Variants in NRG1 observed in about 807,000 individuals in gnomAD.
NRG1 encodes pro-neuregulin-1, membrane-bound isoform.
Under a neutral mutation model 63.8 loss-of-function variants are expected in NRG1, and 18 were observed. The ratio of observed to expected loss-of-function variants is 0.28; its 90% CI spans 0.19 to 0.42. The LOEUF is 0.42. Among genes scored for constraint, NRG1 ranks in the 10% least tolerant of loss-of-function variants. The pLI, the probability that NRG1 is intolerant of heterozygous loss-of-function variation, is 1.00. For synonymous variants in NRG1, 302 were observed against 301.3 expected, an observed-to-expected ratio of 1.00 and a Z score of -0.02; for missense variants, 762 against 814.7, an observed-to-expected ratio of 0.94 and a Z score of 0.79.
At chr8:31,933,046 A>G (rs888315210) in intron 1 of NRG1, among the ~76,000 whole-genome samples, 1 of 152,202 alleles carries the variant, frequency 6.6e-6, no homozygotes, top group Admixed American at 6.5e-5. Context: ...ATTTCCTATA[A>G]AATGTTATAT....
At chr8:32,512,748 T>A (rs1248159171) in intron 1 of NRG1, among the ~76,000 whole-genome samples, 1 of 152,184 alleles carries the variant, frequency 6.6e-6, no homozygotes, top group Non-Finnish European at 1.5e-5. Flanking sequence ...GCCTTCCTGG[T>A]ACAATGGATG....
intron 1 of NRG1, among the ~76,000 whole-genome samples, chr8:32,468,728 T>TTG (rs1554551098): frequency 1.3e-5 from 2 of 151,786 alleles, no homozygotes; most frequent in African/African-American, 4.8e-5. Flanking sequence ...TACAGTTTTT[T>TTG]TTTTTTTTTT....
chr8:32,042,961 A>AGTGTGTGTGT (rs111850977), intron 1 of NRG1, among the ~76,000 whole-genome samples: 1,795 of 139,988 alleles, frequency 0.013, 37 homozygotes, highest in East Asian at 0.053. Context: ...GAAAGAGTGC[A>AGTGTGTGTGT]GTGTGTGTGT....
chr8:31,766,728 A>G (rs1427379622), intron 1 of NRG1, among the ~76,000 whole-genome samples: 1 of 152,196 alleles, frequency 6.6e-6, no homozygotes, highest in African/African-American at 2.4e-5. Context: ...TTTCTGCCAC[A>G]AGCAATACTC....
At chr8:32,159,528 G>A (rs1191187361) in intron 1 of NRG1, among the ~76,000 whole-genome samples, 1 of 138,890 alleles carries the variant, frequency 7.2e-6, no homozygotes, top group African/African-American at 2.9e-5. Context: ...GCGACAGAGC[G>A]AGACTCCGTC....
chr8:32,291,123 C>G (rs1042216154), intron 1 of NRG1, among the ~76,000 whole-genome samples: 1 of 152,200 alleles, frequency 6.6e-6, no homozygotes, highest in Non-Finnish European at 1.5e-5. Flanking sequence ...GAAGTTCTTT[C>G]TTATTCAGGG....
chr8:32,439,009 T>C (rs1347713270), intron 1 of NRG1, among the ~76,000 whole-genome samples: 1 of 152,138 alleles, frequency 6.6e-6, no homozygotes. Flanking sequence ...ACTGTTTTTT[T>C]CCACAAGGCA....
At chr8:32,227,084 T>G (rs1257745405) in intron 1 of NRG1, among the ~76,000 whole-genome samples, 1 of 152,206 alleles carries the variant, frequency 6.6e-6, no homozygotes, top group African/African-American at 2.4e-5. Context: ...TCCTTTCTCC[T>G]TTTACTCTGG....
chr8:32,530,597 C>A (rs911809246), intron 1 of NRG1, among the ~76,000 whole-genome samples: 1 of 152,134 alleles, frequency 6.6e-6, no homozygotes, highest in Non-Finnish European at 1.5e-5. Flanking sequence ...ACTGATTTAC[C>A]TTTCCATTCC....
At position 31,639,386 on chromosome 8, in the gene NRG1, G is replaced by A. The variant is rs913609130; in HGVS notation, c.-9G>A. On this transcript the variant is annotated 5_prime_UTR_variant, in exon 1 of 11. Transcript: ENST00000519301. ...CCACTCGCGGGTCCCGCTCCGCTCC[G>A]GCAGCAGCATGGGGAAAGGACGCGC... is the stretch of plus-strand genomic sequence containing the variant. 8 of 1,534,554 alleles carry A rather than the reference G, an allele frequency of 5.2e-6. No homozygotes were observed. In the South Asian group the frequency reaches 8.3e-5, roughly 16 times the overall value.
chr8:32,504,248 T>G (rs1042838292), intron 1 of NRG1, among the ~76,000 whole-genome samples: 6 of 152,146 alleles, frequency 3.9e-5, no homozygotes, highest in Non-Finnish European at 5.9e-5. Context: ...AAGGACTGCC[T>G]GTCCATCACC....
chr8:31,889,184 C>T (rs907764918), intron 1 of NRG1, among the ~76,000 whole-genome samples: 4 of 152,208 alleles, frequency 2.6e-5, no homozygotes, highest in African/African-American at 7.2e-5. Flanking sequence ...AGGAAAGTGA[C>T]ATCATGTTCC....
intron 1 of NRG1, among the ~76,000 whole-genome samples, chr8:31,846,957 C>T (rs1011257050): frequency 1.9e-4 from 29 of 152,132 alleles, no homozygotes; most frequent in African/African-American, 6.5e-4. Context: ...AAAGGGGCAC[C>T]TCTGTATTTC....
At chr8:32,655,819 A>G (rs1386141543) in intron 5 of NRG1, among the ~76,000 whole-genome samples, 2 of 152,318 alleles carry the variant, frequency 1.3e-5, no homozygotes, top group East Asian at 1.9e-4. Context: ...AAAAGACTGC[A>G]TGGTATGTAA....
chr8:32,760,461 G>T lies in NRG1; in HGVS notation c.1259+55G>T, dbSNP rs540717684. ...GGAGAAACTCAGTCAGAGAATCCCT[G>T]TGAGCACCTGCGGTCTCACCTCAGG... is the stretch of plus-strand genomic sequence containing the variant. On this transcript the variant is annotated intron_variant, in intron 11 of 11. Transcript: ENST00000356819. 6.2e-6 allele frequency: 10 copies of T among 1,607,254 alleles called. 1 individual carries two copies. In the South Asian group the frequency reaches 1.0e-4, roughly 16 times the overall value.
chr8:32,614,358 T>G, intron 3 of NRG1, 156 bp from the exon 4 acceptor site: 1 of 558,062 alleles, frequency 1.8e-6, no homozygotes, highest in Non-Finnish European at 3.2e-6. Context: ...TCTTTCTGCA[T>G]TTCTCACTCT....
At chr8:32,180,603 T>C (rs1841331450) in intron 1 of NRG1, among the ~76,000 whole-genome samples, 1 of 152,168 alleles carries the variant, frequency 6.6e-6, no homozygotes, top group Admixed American at 6.5e-5. Context: ...TTAATATTTT[T>C]GTTTTATTTT....
At chr8:31,697,423 G>T (rs1238669148) in intron 1 of NRG1, among the ~76,000 whole-genome samples, 1 of 152,152 alleles carries the variant, frequency 6.6e-6, no homozygotes, top group African/African-American at 2.4e-5. Flanking sequence ...CCTAGTAATA[G>T]ATAGAAGTGA....
At chr8:31,856,588 T>C (rs377357799) in intron 1 of NRG1, among the ~76,000 whole-genome samples, 4 of 152,156 alleles carry the variant, frequency 2.6e-5, no homozygotes, top group East Asian at 3.9e-4. Context: ...GTAATTTGAT[T>C]GTCTGAAGCC....
Sources: allele counts gnomAD v4.1 joint callset (sites outside exome capture counted in the v4.1 genomes callset), GRCh38; gene constraint gnomAD v4.1.1; transcripts MANE v1.5; gene names NCBI Gene and HGNC (gene_info 2026-07-23, HGNC 2026-07-21).